LORICRIN: variants seen among roughly 807,000 people sequenced by gnomAD.
LORICRIN encodes loricrin cornified envelope precursor protein.
A neutral mutation model predicts 3.3 loss-of-function variants in LORICRIN; 5 were observed. The ratio of observed to expected loss-of-function variants is 1.52; its 90% CI spans 0.79 to 3.19. The LOEUF (loss-of-function observed/expected upper bound fraction) is 3.19. LORICRIN is among the 30% of genes most tolerant of loss of function. LORICRIN has a pLI of 0.00. For synonymous variants in LORICRIN, 237 were observed against 231.4 expected (o/e 1.02, Z -0.22); for missense variants, 524 against 460.2 (o/e 1.14, Z -1.27).
At position 153,261,625 on chromosome 1, in the gene LORICRIN, G is replaced by C; in HGVS notation, c.676G>C (p.Gly226Arg). Residue 226 changes from glycine to arginine, a missense_variant, in exon 2 of 2, where the codon GGA becomes CGA. By Grantham distance (125) the Gly-to-Arg change is moderately radical. Transcript: ENST00000368742. ...QTSCAPQPSYGGGSSGGGGSG... is the reference protein window; with the variant it reads ...QTSCAPQPSYRGGSSGGGGSG... ...CTCGTGCGCGCCCCAGCCGAGTTAC[G>C]GAGGGGGGTCGTCCGGCGGCGGCGG... The C allele has an allele frequency of 2.0e-6, 3 of 1,514,976 alleles. No individual in the cohort carries two copies. Among genetic ancestry groups the C allele is most frequent in the Non-Finnish European group, 2.6e-6 (3 of 1,139,640 alleles). The allele number at this position is 1,514,976 out of a possible 1,614,324, so 93.8% of individuals were successfully genotyped here.
rs765886859 is a variant in LORICRIN at position 153,261,759 on chromosome 1, C to G, written c.810C>G (p.Ser270=). The G allele has an allele frequency of 5.7e-6, 9 of 1,580,106 alleles. No homozygotes were observed. The highest frequency in any genetic ancestry group is 7.7e-6 in the Non-Finnish European group (9 of 1,167,002). ...GCTGCATCATCAGTGGCGGGGGCTC[C>G]GTCTGCGGAGGTGGTTCCTCTGGAG... ...GSGCIISGGG[S]VCGGGSSGGG... The change falls in exon 2 of 2, where the codon TCC becomes TCG. Residue 270 remains serine (S), a synonymous_variant. Transcript: ENST00000368742.
chr1:153,261,471 C>A lies in LORICRIN; in HGVS notation c.522C>A (p.Ser174=). The A allele has an allele frequency of 5.4e-6, 8 of 1,495,166 alleles. No individual in the cohort carries two copies. Among genetic ancestry groups the A allele is most frequent in the Non-Finnish European group, 5.3e-6 (6 of 1,127,206 alleles). 92.6% of individuals were successfully genotyped at this position (1,495,166 alleles called of 1,614,324 possible). A position where few individuals can be genotyped will look rare whatever the true frequency, so the allele number is the denominator to read the frequency against. The change falls in exon 2 of 2, where the codon TCC becomes TCA. Residue 174 remains serine (S), a synonymous_variant. Transcript: ENST00000368742. ...VSSGGSSGGG[S]GCFSSGGGGG... ...GCGGCGGCTCCTCCGGGGGCGGCTC[C>A]GGCTGCTTCTCCAGCGGCGGGGGCG...
chr1:153,261,834 C>T lies in LORICRIN; in HGVS notation c.885C>T (p.Val295=), dbSNP rs1658815540. 2 of 1,611,156 alleles carry T rather than the reference C, an allele frequency of 1.2e-6. No individual in the cohort carries two copies. Among genetic ancestry groups the T allele is most frequent in the Admixed American group, 1.7e-5 (1 of 59,864 alleles). The change falls in exon 2 of 2, where the codon GTC becomes GTT. Residue 295 remains valine (V), a synonymous_variant. Transcript: ENST00000368742. ...GTGGCTCCGGGAGTGGCAAGGGCGT[C>T]CCGATCTGCCACCAGACCCAGCAGA... is the stretch of plus-strand genomic sequence containing the variant. ...SVGGSGSGKG[V]PICHQTQQKQ...
Position 153,261,632 on chromosome 1 carries a change from G to C in LORICRIN, c.683G>C (p.Gly228Ala), listed in dbSNP as rs867823487. The C allele has an allele frequency of 2.0e-6, 3 of 1,508,548 alleles. No individual in the cohort carries two copies. Among genetic ancestry groups the C allele is most frequent in the Non-Finnish European group, 2.6e-6 (3 of 1,137,364 alleles). 93.4% of individuals were successfully genotyped at this position (1,508,548 alleles called of 1,614,324 possible). The change falls in exon 2 of 2, where the codon GGG becomes GCG. Residue 228 changes from glycine (G) to alanine (A), a missense_variant. By Grantham distance (60) the Gly-to-Ala change is moderately conservative (BLOSUM62 0). Transcript: ENST00000368742. The part of the protein sequence containing the change: ...SCAPQPSYGG[G>A]SSGGGGSGGS... Reference sequence around the variant, plus strand: ...GCGCCCCAGCCGAGTTACGGAGGGGGGTCGTCCGGCGGCGGCGGCAGCGGC... The same window carrying C: ...GCGCCCCAGCCGAGTTACGGAGGGGCGTCGTCCGGCGGCGGCGGCAGCGGC...
In LORICRIN at chr1:153,261,109, T is replaced by C. The variant is rs779465171; in HGVS notation, c.160T>C (p.Ser54Pro). ...TAGCAGCGGTTCTGGCTGCGGCTAC[T>C]CCGGCGGCGGTGGCTACTCTGGCGG... ...GGSSGSGCGY[S>P]GGGGYSGGGC... The change falls in exon 2 of 2, where the codon TCC becomes CCC. Residue 54 changes from serine (S) to proline (P), a missense_variant. By Grantham distance (74) the Ser-to-Pro change is moderately conservative. Coordinates refer to ENST00000368742, the MANE Select transcript of LORICRIN (RefSeq NM_000427.3). The C allele has an allele frequency of 1.4e-6, 2 of 1,387,302 alleles. No individual in the cohort carries two copies. The highest frequency in any genetic ancestry group is 1.6e-5 in the African/African-American group (1 of 63,554). 85.9% of individuals were successfully genotyped at this position (1,387,302 alleles called of 1,614,324 possible).
In LORICRIN at chr1:153,261,103, G is replaced by C; in HGVS notation, c.154G>C (p.Gly52Arg). The C allele has an allele frequency of 1.4e-6, 2 of 1,407,900 alleles. No homozygotes were observed. Among genetic ancestry groups the C allele is most frequent in the Non-Finnish European group, 1.8e-6 (2 of 1,082,876 alleles). 87.2% of individuals were successfully genotyped at this position (1,407,900 alleles called of 1,614,324 possible). ...GGGCGGTAGCAGCGGTTCTGGCTGC[G>C]GCTACTCCGGCGGCGGTGGCTACTC... ...SGGGSSGSGCGYSGGGGYSGG... is the reference protein window; with the variant it reads ...SGGGSSGSGCRYSGGGGYSGG... Residue 52 changes from glycine (G) to arginine (R), a missense_variant, in exon 2 of 2, where the codon GGC (glycine) becomes CGC (arginine). Transcript: ENST00000368742.
In LORICRIN at chr1:153,262,086, C is replaced by A; in HGVS notation, c.*198C>A. On this transcript the variant is annotated 3_prime_UTR_variant, in exon 2 of 2. Coordinates refer to ENST00000368742, the MANE Select transcript of LORICRIN (RefSeq NM_000427.3). ...GGTTTCTGTACAACTACCTCCCAAC[C>A]CCAGTGCCTCAGTCAATAAATTTGC... 1.5e-6 allele frequency: 1 copy of A among 647,772 alleles called. No individual in the cohort carries two copies. Among genetic ancestry groups the A allele is most frequent in the Non-Finnish European group, 2.7e-6 (1 of 363,648 alleles). 40.1% of individuals were successfully genotyped at this position (647,772 alleles called of 1,614,324 possible).
intron 1 of LORICRIN, 86 bp from the exon 2 acceptor site, chr1:153,260,841 G>C: frequency 1.0e-6 from 1 of 956,496 alleles, no homozygotes; most frequent in Non-Finnish European, 1.6e-6. Context: ...AGCCCTGGGA[G>C]GATGGCGATG....
In LORICRIN at chr1:153,261,644, G is replaced by C; in HGVS notation, c.695G>C (p.Gly232Ala). The change falls in exon 2 of 2, where the codon GGC becomes GCC. Residue 232 changes from glycine (G) to alanine (A), a missense_variant. Coordinates refer to ENST00000368742, the MANE Select transcript of LORICRIN (RefSeq NM_000427.3). Reference protein sequence around the residue: ...QPSYGGGSSGGGGSGGSGCFS... With the variant: ...QPSYGGGSSGAGGSGGSGCFS... ...AGTTACGGAGGGGGGTCGTCCGGCG[G>C]CGGCGGCAGCGGCGGAAGCGGCTGC... The C allele has an allele frequency of 6.6e-7, 1 of 1,515,652 alleles. No individual in the cohort carries two copies. The highest frequency in any genetic ancestry group is 1.2e-5 in the South Asian group (1 of 81,912). 93.9% of individuals were successfully genotyped at this position (1,515,652 alleles called of 1,614,324 possible).
In LORICRIN at chr1:153,261,459, C is replaced by G. The variant is rs111660507; in HGVS notation, c.510C>G (p.Ser170=). 6.6e-7 allele frequency: 1 copy of G among 1,506,364 alleles called. No homozygotes were observed. Among genetic ancestry groups the G allele is most frequent in the Non-Finnish European group, 8.8e-7 (1 of 1,135,038 alleles). 93.3% of individuals were successfully genotyped at this position (1,506,364 alleles called of 1,614,324 possible). A position where few individuals can be genotyped will look rare whatever the true frequency, so the allele number is the denominator to read the frequency against. Residue 170 remains serine, a synonymous_variant, in exon 2 of 2, where the codon TCC becomes TCG. Coordinates refer to ENST00000368742, the MANE Select transcript of LORICRIN (RefSeq NM_000427.3). ...GAGGCGTCTCTAGCGGCGGCTCCTCCGGGGGCGGCTCCGGCTGCTTCTCCA... is the reference window on the plus strand; with the variant it reads ...GAGGCGTCTCTAGCGGCGGCTCCTCGGGGGGCGGCTCCGGCTGCTTCTCCA... ...SYGGVSSGGS[S]GGGSGCFSSG...
rs1324170605 is a variant in LORICRIN at position 153,261,191 on chromosome 1, G to A, written c.242G>A (p.Gly81Glu). 6.0e-6 allele frequency: 8 copies of A among 1,339,642 alleles called. No individual in the cohort carries two copies. Among genetic ancestry groups the A allele is most frequent in the Non-Finnish European group, 7.6e-6 (8 of 1,049,502 alleles). 83.0% of individuals were successfully genotyped at this position (1,339,642 alleles called of 1,614,324 possible). The change falls in exon 2 of 2, where the codon GGA (glycine) becomes GAA (glutamate). Residue 81 changes from glycine to glutamate, a missense_variant. Transcript: ENST00000368742. Reference protein sequence around the residue: ...GGGGGGIGGCGGGSGGSVKYS... With the variant: ...GGGGGGIGGCEGGSGGSVKYS... ...GGCGGGGGCGGCATTGGAGGCTGCG[G>A]AGGGGGCTCCGGTGGGAGCGTCAAG...
Position 153,261,633 on chromosome 1 carries a change from G to C in LORICRIN, c.684G>C (p.Gly228=). The change falls in exon 2 of 2, where the codon GGG becomes GGC. Residue 228 remains glycine, a synonymous_variant. Transcript: ENST00000368742. ...CGCCCCAGCCGAGTTACGGAGGGGG[G>C]TCGTCCGGCGGCGGCGGCAGCGGCG... is the stretch of plus-strand genomic sequence containing the variant. The part of the protein sequence containing the change: ...SCAPQPSYGG[G]SSGGGGSGGS... 1 of 1,485,460 alleles carries C rather than the reference G, an allele frequency of 6.7e-7. No individual in the cohort carries two copies. The highest frequency in any genetic ancestry group is 8.9e-7 in the Non-Finnish European group (1 of 1,126,636). 92.0% of individuals were successfully genotyped at this position (1,485,460 alleles called of 1,614,324 possible). A position where few individuals can be genotyped will look rare whatever the true frequency, so the allele number is the denominator to read the frequency against.
At position 153,261,586 on chromosome 1, in the gene LORICRIN, C is replaced by G. The variant is rs1487106914; in HGVS notation, c.637C>G (p.Gln213Glu). 1.3e-6 allele frequency: 2 copies of G among 1,514,080 alleles called. No homozygotes were observed. 93.8% of individuals were successfully genotyped at this position (1,514,080 alleles called of 1,614,324 possible). Residue 213 changes from glutamine to glutamate, a missense_variant, in exon 2 of 2, where the codon CAG (glutamine) becomes GAG (glutamate). Coordinates refer to ENST00000368742, the MANE Select transcript of LORICRIN (RefSeq NM_000427.3). ...GSGSGYVSSQ[Q>E]VTQTSCAPQP... ...CGGCTCCGGCTACGTCTCCTCGCAG[C>G]AGGTCACTCAGACCTCGTGCGCGCC... is the stretch of plus-strand genomic sequence containing the variant.
rs749909701 is a variant in LORICRIN at position 153,261,677 on chromosome 1, G to C, written c.728G>C (p.Ser243Thr). ...GGSGGSGCFS[S>T]GGGGGSSGCG... ...AGCGGCGGAAGCGGCTGCTTCTCCA[G>C]CGGCGGGGGCGGCGGGAGCTCCGGC... Residue 243 changes from serine to threonine, a missense_variant, in exon 2 of 2, where the codon AGC becomes ACC. Coordinates refer to ENST00000368742, the MANE Select transcript of LORICRIN (RefSeq NM_000427.3). 4.4e-4 allele frequency: 667 copies of C among 1,503,082 alleles called. No homozygotes were observed. The highest frequency in any genetic ancestry group is 5.5e-4 in the Non-Finnish European group (619 of 1,135,386). 93.1% of individuals were successfully genotyped at this position (1,503,082 alleles called of 1,614,324 possible).
chr1:153,260,859 TG>T, intron 1 of LORICRIN, 67 bp from the exon 2 acceptor site: 1 of 1,155,502 alleles, frequency 8.7e-7, no homozygotes, highest in Non-Finnish European at 1.3e-6. Flanking sequence ...ATGTTGCCTA[TG>T]GATGCAGCTG....
Position 153,262,006 on chromosome 1 carries a change from T to C in LORICRIN, c.*118T>C. ...CAAATCCTTCATGTCTTAACCTACC[T>C]GGAAGAAGCCATTGAGCTCTCCGGC... On this transcript the variant is annotated 3_prime_UTR_variant, in exon 2 of 2. Coordinates refer to ENST00000368742, the MANE Select transcript of LORICRIN (RefSeq NM_000427.3). 3 of 1,110,046 alleles carry C rather than the reference T, an allele frequency of 2.7e-6. No individual in the cohort carries two copies. The highest frequency in any genetic ancestry group is 4.0e-6 in the Non-Finnish European group (3 of 745,368). 68.8% of individuals were successfully genotyped at this position (1,110,046 alleles called of 1,614,324 possible). A position where few individuals can be genotyped will look rare whatever the true frequency, so the allele number is the denominator to read the frequency against.
At position 153,261,235 on chromosome 1, in the gene LORICRIN, T is replaced by G. The variant is rs1448163731; in HGVS notation, c.286T>G (p.Ser96Ala). Residue 96 changes from serine (S) to alanine (A), a missense_variant, in exon 2 of 2, where the codon TCC becomes GCC. Ser to Ala is a moderately conservative substitution (Grantham distance 99, BLOSUM62 1). Transcript: ENST00000368742. Reference sequence around the variant, plus strand: ...CGTCAAGTACTCCGGAGGCGGCGGCTCCTCCGGCGGGGGCTCTGGCTGTTT... The same window carrying G: ...CGTCAAGTACTCCGGAGGCGGCGGCGCCTCCGGCGGGGGCTCTGGCTGTTT... Reference protein sequence around the residue: ...GSVKYSGGGGSSGGGSGCFSS... With the variant: ...GSVKYSGGGGASGGGSGCFSS... 3 of 1,367,874 alleles carry G rather than the reference T, an allele frequency of 2.2e-6. No homozygotes were observed. Among genetic ancestry groups the G allele is most frequent in the Non-Finnish European group, 1.9e-6 (2 of 1,069,308 alleles). The allele number at this position is 1,367,874 out of a possible 1,614,324, so 84.7% of individuals were successfully genotyped here.
chr1:153,262,030 G>A lies in LORICRIN; in HGVS notation c.*142G>A. On this transcript the variant is annotated 3_prime_UTR_variant, in exon 2 of 2. Transcript: ENST00000368742. The stretch of plus-strand genomic sequence containing the variant: ...CTGGAAGAAGCCATTGAGCTCTCCG[G>A]CTGCATCTAGTTCTGCTGTTTAGCC... 1.1e-6 allele frequency: 1 copy of A among 901,528 alleles called. No homozygotes were observed. Among genetic ancestry groups the A allele is most frequent in the South Asian group, 1.4e-5 (1 of 69,176 alleles). The allele number at this position is 901,528 out of a possible 1,614,324, so 55.8% of individuals were successfully genotyped here.
Position 153,261,638 on chromosome 1 carries a change from CCGGCGGCGG to C in LORICRIN, c.694_702del (p.Gly232_Gly234del). ...CAGCCGAGTTACGGAGGGGGGTCGT[CCGGCGGCGG>C]CGGCAGCGGCGGAAGCGGCTGCTTC... On this transcript the variant is annotated inframe_deletion, in exon 2 of 2. Coordinates refer to ENST00000368742, the MANE Select transcript of LORICRIN (RefSeq NM_000427.3). 1 of 1,494,902 alleles carries C rather than the reference CCGGCGGCGG, an allele frequency of 6.7e-7. No homozygotes were observed. Among genetic ancestry groups the C allele is most frequent in the South Asian group, 1.2e-5 (1 of 81,274 alleles). 92.6% of individuals were successfully genotyped at this position (1,494,902 alleles called of 1,614,324 possible).
Sources: gnomAD v4.1 joint callset for allele counts on GRCh38, gnomAD v4.1.1 for gene constraint, MANE v1.5 for transcripts, NCBI Gene and HGNC (gene_info 2026-07-23, HGNC 2026-07-21) for gene names.